The following KMT2C variants were observed in gnomAD, a reference collection of about 807,000 sequenced individuals.
KMT2C encodes the protein lysine methyltransferase 2C.
KMT2C carries 88 observed loss-of-function variants against 507.9 expected under a neutral mutation model. The observed-to-expected ratio is 0.17, with a 90% CI of 0.15 to 0.21. The LOEUF (loss-of-function observed/expected upper bound fraction) is 0.21. KMT2C is among the 10% of genes least tolerant of loss of function. KMT2C has a pLI of 1.00. For missense variants in KMT2C, 4,954 were observed against 5,957.8 expected, an observed-to-expected ratio of 0.83 and a Z score of 5.55; for synonymous variants, 2,049 against 2,080.8, an observed-to-expected ratio of 0.98 and a Z score of 0.42.
At chr7:152,282,764 G>T (rs532941472) in intron 6 of KMT2C, among the ~76,000 whole-genome samples, 1 of 151,488 alleles carries the variant, frequency 6.6e-6, no homozygotes, top group Admixed American at 6.6e-5. Flanking sequence ...TAGTATATAC[G>T]TTCTAATATT....
intron 41 of KMT2C, among the ~76,000 whole-genome samples, chr7:152,167,899 G>A (rs1278876478): frequency 1.3e-5 from 2 of 152,078 alleles, no homozygotes; most frequent in African/African-American, 4.8e-5. Flanking sequence ...AACCCAGAAT[G>A]TTTTAGAATG....
chr7:152,189,989 C>A (rs1361709103), intron 31 of KMT2C, among the ~76,000 whole-genome samples: 1 of 152,182 alleles, frequency 6.6e-6, no homozygotes, highest in African/African-American at 2.4e-5. Context: ...TGAGCTCCAC[C>A]TGTCAGATCA....
intron 9 of KMT2C, among the ~76,000 whole-genome samples, chr7:152,256,092 C>A (rs1403541207): frequency 6.6e-6 from 1 of 152,084 alleles, no homozygotes; most frequent in Admixed American, 6.6e-5. Context: ...ATCACTTGAA[C>A]CCGCGAGGGG....
At chr7:152,350,700 C>T (rs1410509722) in intron 2 of KMT2C, among the ~76,000 whole-genome samples, 2 of 152,198 alleles carry the variant, frequency 1.3e-5, no homozygotes, top group African/African-American at 4.8e-5. Context: ...GTAAAGGCCT[C>T]AAACATTACT....
At chr7:152,421,968 T>A (rs1241003527) in intron 1 of KMT2C, among the ~76,000 whole-genome samples, 1 of 152,106 alleles carries the variant, frequency 6.6e-6, no homozygotes, top group Non-Finnish European at 1.5e-5. Flanking sequence ...TGTAGGACAT[T>A]TTTAAAGAGA....
chr7:152,320,763 A>G (rs1464618754), intron 3 of KMT2C, among the ~76,000 whole-genome samples: 3 of 152,012 alleles, frequency 2.0e-5, no homozygotes, highest in African/African-American at 7.2e-5. Flanking sequence ...TACTATATTC[A>G]GCTCTATCTA....
intron 39 of KMT2C, among the ~76,000 whole-genome samples, chr7:152,172,160 C>G (rs1433028633): frequency 6.6e-6 from 1 of 152,170 alleles, no homozygotes; most frequent in East Asian, 1.9e-4. Context: ...ATCTGTCACC[C>G]TACCCACTGC....
At chr7:152,390,647 A>C (rs1007844659) in intron 1 of KMT2C, among the ~76,000 whole-genome samples, 32 of 152,278 alleles carry the variant, frequency 2.1e-4, no homozygotes, top group Middle Eastern at 3.4e-3. Flanking sequence ...ATTCAAGATC[A>C]AACAGATTAA....
In KMT2C at chr7:152,176,217, C is replaced by G. The variant is rs753846147; in HGVS notation, c.9236G>C (p.Arg3079Pro). ...QRQMQAMIRQ[R>P]SEPFFPNIDF... ...AATATTAGGGAAGAACGGTTCTGATCGCTGACGAATCATGGCTTGCATCTG... is the reference window on the plus strand; with the variant it reads ...AATATTAGGGAAGAACGGTTCTGATGGCTGACGAATCATGGCTTGCATCTG... Residue 3079 changes from arginine (R) to proline (P), a missense_variant, in exon 38 of 59, where the codon CGA becomes CCA. Around this residue, in one of 29 missense-constraint regions of KMT2C, gnomAD observed 1,689 missense variants for 1,654.3 expected, o/e 1.02. Coordinates refer to ENST00000262189, the MANE Select transcript of KMT2C (RefSeq NM_170606.3). The G allele has an allele frequency of 1.9e-6, 3 of 1,609,978 alleles. No individual in the cohort carries two copies. In the African/African-American group the frequency reaches 4.0e-5, roughly 22 times the overall value.
chr7:152,144,980 A>T lies in KMT2C; in HGVS notation c.14175-99T>A. On this transcript the variant is annotated intron_variant, in intron 54 of 58. Transcript: ENST00000262189. The surrounding 1 kb of genome is among the most constrained non-coding windows in gnomAD (Gnocchi z 4.4). The stretch of plus-strand genomic sequence containing the variant: ...CAGGTTAATTCAGATTCTTACTGAC[A>T]GAAACATACATGGAAAGCTGCCTAG... 7.1e-7 allele frequency: 1 copy of T among 1,405,682 alleles called. No homozygotes were observed. Among genetic ancestry groups the T allele is most frequent in the Non-Finnish European group, 9.6e-7 (1 of 1,040,024 alleles). 87.1% of individuals were successfully genotyped at this position (1,405,682 alleles called of 1,614,324 possible). A position where few individuals can be genotyped will look rare whatever the true frequency, so the allele number is the denominator to read the frequency against.
chr7:152,385,979 T>A (rs1232152153), intron 1 of KMT2C, among the ~76,000 whole-genome samples: 1 of 151,622 alleles, frequency 6.6e-6, no homozygotes, highest in Non-Finnish European at 1.5e-5. Flanking sequence ...TACCAGCTAC[T>A]TGGGAGGCTG....
chr7:152,220,780 C>A (rs765352927), intron 22 of KMT2C, 45 bp from the exon 23 acceptor site: 1 of 1,417,258 alleles, frequency 7.1e-7, no homozygotes, highest in Non-Finnish European at 9.9e-7. Flanking sequence ...ACTTTCATTT[C>A]AAATTTGACT....
chr7:152,215,622 T>G (rs1022150807), intron 23 of KMT2C, among the ~76,000 whole-genome samples: 10 of 149,802 alleles, frequency 6.7e-5, no homozygotes, highest in Non-Finnish European at 1.0e-4. Context: ...AAAGGAATAT[T>G]TGCAGCCATA....
At chr7:152,280,475 C>T (rs1163025897) in intron 6 of KMT2C, among the ~76,000 whole-genome samples, 1 of 151,944 alleles carries the variant, frequency 6.6e-6, no homozygotes. Context: ...CACTTGAACC[C>T]GGGAGGCAGA....
intron 1 of KMT2C, among the ~76,000 whole-genome samples, chr7:152,434,201 G>A (rs1399156861): frequency 6.6e-6 from 1 of 152,154 alleles, no homozygotes; most frequent in Non-Finnish European, 1.5e-5. Context: ...AACGCAAGTG[G>A]CATAATAAAT....
intron 3 of KMT2C, among the ~76,000 whole-genome samples, chr7:152,317,716 C>T (rs1218810301): frequency 6.6e-6 from 1 of 152,224 alleles, no homozygotes; most frequent in African/African-American, 2.4e-5. Context: ...TCACGCACTA[C>T]AGCAACTCAG....
At chr7:152,352,447 C>T (rs2097121185) in intron 2 of KMT2C, among the ~76,000 whole-genome samples, 1 of 152,134 alleles carries the variant, frequency 6.6e-6, no homozygotes, top group African/African-American at 2.4e-5. Flanking sequence ...GACCCACACC[C>T]TATTCATATA....
intron 18 of KMT2C, 65 bp downstream of exon 18, chr7:152,229,858 A>C: frequency 8.5e-7 from 1 of 1,171,760 alleles, no homozygotes; most frequent in Non-Finnish European, 1.3e-6. Context: ...CTGGGAGCTC[A>C]TGTTACTACT....
chr7:152,175,320 T>C (rs2093152434), intron 38 of KMT2C, among the ~76,000 whole-genome samples: 1 of 151,876 alleles, frequency 6.6e-6, no homozygotes, highest in African/African-American at 2.4e-5. Flanking sequence ...TAATTTTTTG[T>C]TATTTTTTTT....
Sources: gnomAD v4.1 joint callset for allele counts (sites outside exome capture counted in the v4.1 genomes callset) on GRCh38, gnomAD v4.1.1 for gene constraint, gnomAD v4.1.1 regional missense constraint, Gnocchi (gnomAD v3.1) non-coding constraint, MANE v1.5 for transcripts, NCBI Gene and HGNC (gene_info 2026-07-23, HGNC 2026-07-21) for gene names.